LINGO1: variants seen among roughly 807,000 people sequenced by gnomAD.
LINGO1 encodes leucine rich repeat and Ig domain containing 1, also known as leucine-rich repeat and immunoglobulin-like domain-containing nogo receptor-interacting protein 1.
Under a neutral mutation model 37.3 loss-of-function variants are expected in LINGO1, and 11 were observed. The ratio of observed to expected loss-of-function variants is 0.29; its 90% confidence interval spans 0.19 to 0.49. The LOEUF (loss-of-function observed/expected upper bound fraction) is 0.49. LINGO1 is among the 20% of genes least tolerant of loss of function. LINGO1 has a pLI of 0.99. For missense variants in LINGO1, 585 were observed against 878.2 expected (o/e 0.67, Z 4.22); for synonymous variants, 387 against 403.0 (o/e 0.96, Z 0.48).
At chr15:77,641,598 G>A (rs2074507460) in intron 3 of LINGO1, among the ~76,000 whole-genome samples, 1 of 152,210 alleles carries the variant, frequency 6.6e-6, no homozygotes, top group Non-Finnish European at 1.5e-5. Flanking sequence ...GGCACTGCAT[G>A]GGCTCCCCCT....
At chr15:77,779,800 G>C (rs2076697349) in intron 1 of LINGO1, among the ~76,000 whole-genome samples, 1 of 152,190 alleles carries the variant, frequency 6.6e-6, no homozygotes, top group Non-Finnish European at 1.5e-5. Context: ...TGGAAAGCAA[G>C]CTCCATGATG....
At chr15:77,797,140 C>G (rs1435882501) in intron 1 of LINGO1, among the ~76,000 whole-genome samples, 1 of 152,200 alleles carries the variant, frequency 6.6e-6, no homozygotes, top group Non-Finnish European at 1.5e-5. Flanking sequence ...AGGACATAAC[C>G]TCAGTTCAAA....
At chr15:77,692,489 T>C (rs1319144430) in intron 1 of LINGO1, among the ~76,000 whole-genome samples, 1 of 152,048 alleles carries the variant, frequency 6.6e-6, no homozygotes, top group Non-Finnish European at 1.5e-5. Flanking sequence ...GTTCAAGAAG[T>C]AAAATAAAGG....
At chr15:77,743,293 G>A (rs1256976052) in intron 1 of LINGO1, among the ~76,000 whole-genome samples, 2 of 152,214 alleles carry the variant, frequency 1.3e-5, no homozygotes, top group East Asian at 1.9e-4. Context: ...AGCACCCAGC[G>A]TTCTCCAGGG....
intron 2 of LINGO1, among the ~76,000 whole-genome samples, chr15:77,683,160 T>TGA (rs1342434552): frequency 5.3e-5 from 8 of 151,910 alleles, no homozygotes; most frequent in African/African-American, 1.9e-4. Context: ...AGAAGCAGAG[T>TGA]GAGTGTGGAG....
chr15:77,818,078 C>T (rs2077062890), intron 1 of LINGO1, among the ~76,000 whole-genome samples: 1 of 152,188 alleles, frequency 6.6e-6, no homozygotes. Context: ...GGAAAGAAGG[C>T]ATATGGATGG....
intron 2 of LINGO1, among the ~76,000 whole-genome samples, chr15:77,709,138 C>T (rs984815232): frequency 6.6e-6 from 1 of 152,190 alleles, no homozygotes; most frequent in African/African-American, 2.4e-5. Context: ...AGAGTAATTT[C>T]TATTGTTTTA....
intron 1 of LINGO1, among the ~76,000 whole-genome samples, chr15:77,760,929 T>TTTTTG (rs2076470303): frequency 1.1e-5 from 1 of 87,016 alleles, no homozygotes; most frequent in African/African-American, 3.9e-5. Context: ...TTTTTTTTTT[T>TTTTTG]TTTTTTTTTT....
At chr15:77,786,566 C>T (rs934442127) in intron 1 of LINGO1, among the ~76,000 whole-genome samples, 4 of 152,178 alleles carry the variant, frequency 2.6e-5, no homozygotes, top group African/African-American at 7.2e-5. Flanking sequence ...GCTGCAATGG[C>T]GCCTGGAAAG....
At chr15:77,768,821 G>C (rs758399836) in intron 1 of LINGO1, among the ~76,000 whole-genome samples, 1 of 151,786 alleles carries the variant, frequency 6.6e-6, no homozygotes, top group Non-Finnish European at 1.5e-5. Flanking sequence ...CACTCACCAG[G>C]GTAATCTACA....
chr15:77,743,723 G>A (rs1381968238), intron 1 of LINGO1, among the ~76,000 whole-genome samples: 5 of 152,114 alleles, frequency 3.3e-5, no homozygotes, highest in African/African-American at 4.8e-5. Flanking sequence ...ACCCAGGGGC[G>A]CAGGAGGGAT....
intron 1 of LINGO1, among the ~76,000 whole-genome samples, chr15:77,764,437 T>C (rs1382539050): frequency 3.9e-5 from 6 of 152,100 alleles, no homozygotes; most frequent in Admixed American, 3.9e-4. Context: ...GCAGCATAGA[T>C]AGCTGACAAA....
intron 2 of LINGO1, among the ~76,000 whole-genome samples, chr15:77,724,883 C>T (rs529476438): frequency 3.9e-5 from 6 of 152,338 alleles, no homozygotes; most frequent in Non-Finnish European, 7.3e-5. Flanking sequence ...AGCCAAATCA[C>T]CCACACCCAG....
chr15:77,701,394 G>C (rs559002746), upstream of LINGO1, among the ~76,000 whole-genome samples: 7 of 152,282 alleles, frequency 4.6e-5, no homozygotes, highest in Non-Finnish European at 5.9e-5. Context: ...GCTTCCAGCA[G>C]CTCTATACCC....
chr15:77,760,812 G>A (rs2076468211), intron 1 of LINGO1, among the ~76,000 whole-genome samples: 1 of 152,042 alleles, frequency 6.6e-6, no homozygotes, highest in Non-Finnish European at 1.5e-5. Flanking sequence ...AGGAGGTGAG[G>A]GTAATAGGAC....
intron 3 of LINGO1, chr15:77,646,376 T>C: frequency 2.3e-6 from 1 of 432,104 alleles, no homozygotes; most frequent in South Asian, 1.7e-5. Context: ...CCCTCTGGTC[T>C]TGTCCCCACA....
chr15:77,620,950 C>T lies in LINGO1; in HGVS notation c.7-5050G>A, dbSNP rs115613864. Among the ~76,000 whole-genome samples, 456 of 152,196 alleles carry T rather than the reference C, an allele frequency of 3.0e-3. 1 individual carries two copies. The highest frequency in any genetic ancestry group is 0.01 in the African/African-American group (428 of 41,520). ...ATCTGGAGGTCCAGGGGGGCAGGGACGTGACTCCCCCACAGCATCCTCTAC... is the reference window on the plus strand; with the variant it reads ...ATCTGGAGGTCCAGGGGGGCAGGGATGTGACTCCCCCACAGCATCCTCTAC... On this transcript the variant is annotated intron_variant, in intron 1 of 1. Transcript: ENST00000355300.
chr15:77,769,507 T>G (rs936015451), intron 1 of LINGO1, among the ~76,000 whole-genome samples: 16 of 152,154 alleles, frequency 1.1e-4, no homozygotes, highest in African/African-American at 3.9e-4. Flanking sequence ...AGAAGGCACG[T>G]TCCCATGGGA....
At chr15:77,681,715 T>C (rs909363439) in intron 2 of LINGO1, among the ~76,000 whole-genome samples, 4 of 151,410 alleles carry the variant, frequency 2.6e-5, no homozygotes, top group East Asian at 1.9e-4. Flanking sequence ...GCAGCACCTA[T>C]GGGAATGGAG....
Sources: gnomAD v4.1 joint callset for allele counts (sites outside exome capture counted in the v4.1 genomes callset) on GRCh38, gnomAD v4.1.1 for gene constraint, MANE v1.5 for transcripts, NCBI Gene and HGNC (gene_info 2026-07-23, HGNC 2026-07-21) for gene names.